Variants in CDHR1 observed in about 807,000 individuals in gnomAD.
CDHR1 encodes the protein cadherin related family member 1.
In CDHR1, 61 loss-of-function variants were observed where a neutral mutation model predicts 72.1. The observed-to-expected ratio is 0.85, with a 90% confidence interval of 0.69 to 1.05. The LOEUF is 1.05. CDHR1 is among the 50% of genes least tolerant of loss of function. CDHR1 has a pLI of 0.00. For synonymous variants in CDHR1, 470 were observed against 448.1 expected (o/e 1.05, Z -0.62); for missense variants, 1,186 against 1,115.7 (o/e 1.06, Z -0.90).
intron 8 of CDHR1, among the ~76,000 whole-genome samples, 194 bp downstream of exon 8, chr10:84,203,317 C>T (rs1391365284): frequency 6.6e-6 from 1 of 152,212 alleles, no homozygotes; most frequent in Non-Finnish European, 1.5e-5. Flanking sequence ...ATGAGCTCCC[C>T]ATGGGCAGAG....
At position 84,210,873 on chromosome 10, in the gene CDHR1, G is replaced by A. The variant is rs1842316741; in HGVS notation, c.1321-128G>A. On this transcript the variant is annotated intron_variant, in intron 12 of 16. Coordinates refer to ENST00000623527, the MANE Select transcript of CDHR1 (RefSeq NM_033100.4). ...GTGACCCTTACAGGAATAGCTGGTT[G>A]GCAGCTGCGAGGAAGATCGGGAGAC... is the stretch of plus-strand genomic sequence containing the variant. 5 of 1,011,600 alleles carry A rather than the reference G, an allele frequency of 4.9e-6. No homozygotes were observed. The Middle Eastern group carries it at 6.1e-4, about 123-fold the overall frequency. The allele number at this position is 1,011,600 out of a possible 1,614,324, so 62.7% of individuals were successfully genotyped here. A position where few individuals can be genotyped will look rare whatever the true frequency, so the allele number is the denominator to read the frequency against.
chr10:84,201,806 G>A lies in CDHR1; in HGVS notation c.526-1G>A, dbSNP rs1842129715. The A allele has an allele frequency of 6.2e-7, 1 of 1,609,732 alleles. No homozygotes were observed. The highest frequency in any genetic ancestry group is 1.3e-5 in the African/African-American group (1 of 75,048). On this transcript the variant is annotated splice_acceptor_variant, in intron 6 of 16. Transcript: ENST00000623527. LOFTEE classifies it high-confidence loss of function. ...GTCCAGCTGCCCCCTAATTCTTATA[G>A]AACCTGCACTCCCCATTTGCCGTGG... is the stretch of plus-strand genomic sequence containing the variant.
In CDHR1 at chr10:84,201,993, G is replaced by A. The variant is rs188744482; in HGVS notation, c.639+73G>A. ...GTTGGAACCAAGTTAGGTTCTACAG[G>A]GGAGTGGGAGCAGTTTGGAGAGCAG... On this transcript the variant is annotated intron_variant, in intron 7 of 16. Transcript: ENST00000623527. The A allele has an allele frequency of 5.3e-3, 6,004 of 1,129,702 alleles. 42 individuals are homozygous for A. The highest frequency in any genetic ancestry group is 5.7e-3 in the Non-Finnish European group (4,374 of 768,032). 70.0% of individuals were successfully genotyped at this position (1,129,702 alleles called of 1,614,324 possible). A position where few individuals can be genotyped will look rare whatever the true frequency, so the allele number is the denominator to read the frequency against.
At chr10:84,196,082 C>A (rs568774826) in intron 2 of CDHR1, among the ~76,000 whole-genome samples, 71 of 152,292 alleles carry the variant, frequency 4.7e-4, no homozygotes, top group East Asian at 3.9e-4. Context: ...GTCCAGGCAT[C>A]GGGGACAGTG....
intron 6 of CDHR1, 64 bp from the exon 7 acceptor site, chr10:84,201,743 A>T: frequency 7.5e-7 from 1 of 1,335,816 alleles, no homozygotes; most frequent in Non-Finnish European, 1.1e-6. Flanking sequence ...CAGAAAGCAG[A>T]GCGGGCATTC....
chr10:84,218,091 G>A lies in CDHR1; in HGVS notation c.*3470G>A, dbSNP rs1226162505. 2 of 985,358 alleles carry A rather than the reference G, an allele frequency of 2.0e-6. No individual in the cohort carries two copies. Among genetic ancestry groups the A allele is most frequent in the Admixed American group, 6.2e-5 (1 of 16,260 alleles). The allele number at this position is 985,358 out of a possible 1,614,324, so 61.0% of individuals were successfully genotyped here. On this transcript the variant is annotated 3_prime_UTR_variant, in exon 17 of 17. Transcript: ENST00000623527. ...TGTTGGCATCTGTTGACAGGCAGTG[G>A]CACATCCTGACAGTCTTCAAGGCCT...
Position 84,197,844 on chromosome 10 carries a change from C to A in CDHR1, c.348+8C>A. On this transcript the variant is annotated splice_region_variant and intron_variant, in intron 4 of 16. Transcript: ENST00000623527. ...TCTGATGGCCTGAATCTGGTGAGTG[C>A]ACGTCCAAGGCAGTCCCTGGCAGCC... The A allele has an allele frequency of 6.2e-7, 1 of 1,613,098 alleles. No homozygotes were observed. The highest frequency in any genetic ancestry group is 8.5e-7 in the Non-Finnish European group (1 of 1,179,340).
At chr10:84,202,420 G>A (rs1049769496) in intron 7 of CDHR1, among the ~76,000 whole-genome samples, 17 of 152,312 alleles carry the variant, frequency 1.1e-4, no homozygotes, top group Middle Eastern at 6.8e-3. Context: ...CACAAAGAGC[G>A]CAAAACCCTA....
intron 6 of CDHR1, among the ~76,000 whole-genome samples, chr10:84,201,023 A>T (rs1842115307): frequency 6.6e-6 from 1 of 152,198 alleles, no homozygotes; most frequent in African/African-American, 2.4e-5. Flanking sequence ...AAAGAGCAGA[A>T]GAGACAACAC....
intron 10 of CDHR1, 129 bp downstream of exon 10, chr10:84,206,056 C>G: frequency 2.8e-6 from 2 of 726,648 alleles, no homozygotes. Context: ...TTCTAAAGAG[C>G]ACCTGCACCA....
chr10:84,195,637 A>C lies in CDHR1; in HGVS notation c.151+48A>C, dbSNP rs1045649057. The stretch of plus-strand genomic sequence containing the variant: ...CCCGATAGGTCTCCCTGAGGGGTGC[A>C]GGCAGACTTAGAACACAAAGTGCCC... On this transcript the variant is annotated intron_variant, in intron 2 of 16. Coordinates refer to ENST00000623527, the MANE Select transcript of CDHR1 (RefSeq NM_033100.4). 2.6e-6 allele frequency: 4 copies of C among 1,514,954 alleles called. No individual in the cohort carries two copies. The African/African-American group carries it at 5.5e-5, about 21-fold the overall frequency. 93.8% of individuals were successfully genotyped at this position (1,514,954 alleles called of 1,614,324 possible).
In CDHR1 at chr10:84,213,964, A is replaced by C. The variant is rs187834341; in HGVS notation, c.2041-118A>C. ...CCCATAGTGCCTATCAGATTCTCAA[A>C]GGGACTCCTGACTCCAGAAAGTTTA... is the stretch of plus-strand genomic sequence containing the variant. On this transcript the variant is annotated intron_variant, in intron 16 of 16. Coordinates refer to ENST00000623527, the MANE Select transcript of CDHR1 (RefSeq NM_033100.4). 7.9e-5 allele frequency: 104 copies of C among 1,322,366 alleles called. No individual in the cohort carries two copies. The East Asian group carries it at 2.4e-3, about 30-fold the overall frequency. The allele number at this position is 1,322,366 out of a possible 1,614,324, so 81.9% of individuals were successfully genotyped here. A position where few individuals can be genotyped will look rare whatever the true frequency, so the allele number is the denominator to read the frequency against.
Position 84,205,894 on chromosome 10 carries a change from G to A in CDHR1, c.930G>A (p.Gln310=). ...TCTCCATCACTCAGAGCCCGGCCCAGCTCCAGAGAGAGGTGTATGAGCTGC... is the reference window on the plus strand; with the variant it reads ...TCTCCATCACTCAGAGCCCGGCCCAACTCCAGAGAGAGGTGTATGAGCTGC... ...GAISITQSPA[Q]LQREVYELHV... is the part of the protein sequence containing the mutation. Residue 310 remains glutamine (Q), a synonymous_variant, in exon 10 of 17, where the codon CAG becomes CAA. Coordinates refer to ENST00000623527, the MANE Select transcript of CDHR1 (RefSeq NM_033100.4). The A allele has an allele frequency of 6.2e-7, 1 of 1,614,106 alleles. No homozygotes were observed. Among genetic ancestry groups the A allele is most frequent in the South Asian group, 1.1e-5 (1 of 91,072 alleles).
At position 84,211,034 on chromosome 10, in the gene CDHR1, T is replaced by G. The variant is rs112631930; in HGVS notation, c.1354T>G (p.Phe452Val). The G allele has an allele frequency of 8.8e-5, 142 of 1,614,034 alleles. No homozygotes were observed. The highest frequency in any genetic ancestry group is 1.1e-4 in the Non-Finnish European group (132 of 1,180,034). Residue 452 changes from phenylalanine to valine, a missense_variant, in exon 13 of 17, where the codon TTC becomes GTC. Transcript: ENST00000623527. ...TGTTGAAGTGAACACCCCAGAGAAG[T>G]TCAGTTCCACAGCGGATGTTGTGAT... ...LAVEVNTPEK[F>V]SSTADVVIQL...
chr10:84,195,408 C>T lies in CDHR1; in HGVS notation c.56-86C>T, dbSNP rs148784005. On this transcript the variant is annotated intron_variant, in intron 1 of 16. Transcript: ENST00000623527. ...CCTCCTGCCCAGTAGCTGGGCCTGA[C>T]GCGGGACCGCGCTGGTGCGAAGCTC... The T allele has an allele frequency of 2.0e-3, 2,561 of 1,269,640 alleles. 28 individuals are homozygous for T. The African/African-American group carries it at 0.031, about 16-fold the overall frequency. 78.6% of individuals were successfully genotyped at this position (1,269,640 alleles called of 1,614,324 possible).
Position 84,213,278 on chromosome 10 carries a change from A to C in CDHR1, c.1970A>C (p.Gln657Pro). ...GRDCLWSLEV[Q>P]AKDRGSPSFS... ...GACTGCCTATGGTCCCTAGAGGTGC[A>C]GGCCAAGGACCGGGGCTCCCCATCC... The change falls in exon 16 of 17, where the codon CAG becomes CCG. Residue 657 changes from glutamine (Q) to proline (P), a missense_variant. Coordinates refer to ENST00000623527, the MANE Select transcript of CDHR1 (RefSeq NM_033100.4). 6.2e-7 allele frequency: 1 copy of C among 1,614,250 alleles called. No individual in the cohort carries two copies. Among genetic ancestry groups the C allele is most frequent in the Non-Finnish European group, 8.5e-7 (1 of 1,180,038 alleles).
intron 4 of CDHR1, 128 bp from the exon 5 acceptor site, chr10:84,198,904 G>GAGAGT (rs143174467): frequency 2.1e-4 from 42 of 204,820 alleles, no homozygotes; most frequent in African/African-American, 1.1e-3. Context: ...AAAGAAGGAA[G>GAGAGT]AGAGAGAGAG....
At chr10:84,197,103 G>A (rs1201583882) in intron 3 of CDHR1, among the ~76,000 whole-genome samples, 3 of 152,202 alleles carry the variant, frequency 2.0e-5, no homozygotes, top group African/African-American at 7.2e-5. Flanking sequence ...GCAGGCAACA[G>A]GGCATGGGCT....
chr10:84,200,095 A>C (rs1372714606), intron 5 of CDHR1, among the ~76,000 whole-genome samples: 2 of 151,880 alleles, frequency 1.3e-5, no homozygotes, highest in African/African-American at 4.8e-5. Context: ...GCTTGAACCC[A>C]GGAGGCAGAG....
Sources: allele counts gnomAD v4.1 joint callset (sites outside exome capture counted in the v4.1 genomes callset), GRCh38; gene constraint gnomAD v4.1.1; transcripts MANE v1.5; gene names NCBI Gene and HGNC (gene_info 2026-07-23, HGNC 2026-07-21).